ZNF277: variants seen among roughly 807,000 people sequenced by gnomAD.
ZNF277 encodes the protein nuclear receptor-interacting factor 4.
In ZNF277, 55 loss-of-function variants were observed where a neutral mutation model predicts 60.7. The observed-to-expected ratio is 0.91, with a 90% CI of 0.73 to 1.13. The LOEUF (loss-of-function observed/expected upper bound fraction) is 1.13. Ranked by LOEUF, ZNF277 falls within the 50% of genes most tolerant of loss-of-function variation. The pLI is 0.00. For missense variants in ZNF277, 510 were observed against 523.0 expected (o/e 0.98, Z 0.24); for synonymous variants, 178 against 179.3 (o/e 0.99, Z 0.06).
At chr7:112,305,028 A>G (rs1792557438) in intron 4 of ZNF277, among the ~76,000 whole-genome samples, 1 of 152,032 alleles carries the variant, frequency 6.6e-6, no homozygotes, top group African/African-American at 2.4e-5. Context: ...GTGTTCCTCA[A>G]ACACACCAAG....
chr7:112,242,664 G>A (rs758527316), intron 1 of ZNF277, among the ~76,000 whole-genome samples: 28 of 151,502 alleles, frequency 1.8e-4, no homozygotes, highest in Non-Finnish European at 3.2e-4. Context: ...GAAAGAAATT[G>A]TAGATGACAC....
intron 1 of ZNF277, among the ~76,000 whole-genome samples, chr7:112,227,732 T>G (rs895015631): frequency 2.6e-5 from 4 of 152,164 alleles, no homozygotes; most frequent in Admixed American, 6.5e-5. Context: ...AAAGTCATAT[T>G]CATACTTCAA....
chr7:112,294,604 T>C (rs1324057253), intron 2 of ZNF277, among the ~76,000 whole-genome samples: 1 of 152,200 alleles, frequency 6.6e-6, no homozygotes, highest in Non-Finnish European at 1.5e-5. Context: ...AACATGGGAT[T>C]CTATTTTTAT....
At chr7:112,290,825 A>G (rs1433180131) in intron 2 of ZNF277, among the ~76,000 whole-genome samples, 2 of 152,216 alleles carry the variant, frequency 1.3e-5, no homozygotes, top group Non-Finnish European at 2.9e-5. Context: ...TCTTTTCAAC[A>G]TCATGTAACT....
chr7:112,286,400 C>T (rs1198257522), intron 1 of ZNF277, among the ~76,000 whole-genome samples: 3 of 152,188 alleles, frequency 2.0e-5, no homozygotes, highest in African/African-American at 7.2e-5. Flanking sequence ...AAAGAGTTTG[C>T]AGATGCGACA....
intron 2 of ZNF277, among the ~76,000 whole-genome samples, chr7:112,294,415 T>A (rs545723006): frequency 8.5e-5 from 13 of 152,162 alleles, no homozygotes; most frequent in Non-Finnish European, 1.3e-4. Flanking sequence ...AGCCAGTGAG[T>A]TAGCCAAGGA....
chr7:112,234,551 A>G (rs1299827272), intron 1 of ZNF277, among the ~76,000 whole-genome samples: 1 of 152,268 alleles, frequency 6.6e-6, no homozygotes, highest in Non-Finnish European at 1.5e-5. Flanking sequence ...GTTTCTACAT[A>G]TGAATTTTAA....
chr7:112,316,240 T>C (rs1291283981), intron 4 of ZNF277, among the ~76,000 whole-genome samples: 1 of 152,110 alleles, frequency 6.6e-6, no homozygotes. Flanking sequence ...AGAAATAGAA[T>C]ATATTAATGG....
chr7:112,317,431 G>A (rs1021749032), intron 4 of ZNF277, among the ~76,000 whole-genome samples: 1 of 152,080 alleles, frequency 6.6e-6, no homozygotes, highest in Non-Finnish European at 1.5e-5. Context: ...TTGTACTGTG[G>A]CCAGAAATGG....
chr7:112,226,331 G>C (rs1330416967), intron 1 of ZNF277, among the ~76,000 whole-genome samples: 1 of 152,158 alleles, frequency 6.6e-6, no homozygotes, highest in African/African-American at 2.4e-5. Flanking sequence ...GCCTCAGGGA[G>C]ATGTAGCATC....
chr7:112,257,819 T>C (rs1338740069), intron 1 of ZNF277, among the ~76,000 whole-genome samples: 1 of 152,088 alleles, frequency 6.6e-6, no homozygotes, highest in African/African-American at 2.4e-5. Flanking sequence ...TTTTACTTTA[T>C]TTAATTTTTT....
intron 1 of ZNF277, among the ~76,000 whole-genome samples, chr7:112,212,887 T>C (rs4132325): frequency 0.79 from 120,469 of 152,088 alleles, 47,861 homozygotes; most frequent in Middle Eastern, 0.84. Context: ...CACACACACA[T>C]TGACACTCAA....
intron 1 of ZNF277, among the ~76,000 whole-genome samples, chr7:112,270,771 CAT>C (rs1157146547): frequency 1.3e-5 from 2 of 152,078 alleles, no homozygotes; most frequent in African/African-American, 2.4e-5. Flanking sequence ...TCTTACTCTA[CAT>C]AGTGTCTATC....
At chr7:112,208,220 C>A (rs1226600428) in intron 1 of ZNF277, among the ~76,000 whole-genome samples, 2 of 151,674 alleles carry the variant, frequency 1.3e-5, no homozygotes, top group East Asian at 3.9e-4. Context: ...ACTAAAAATA[C>A]AAAAATTAGC....
chr7:112,243,968 A>G (rs879478611), intron 1 of ZNF277, among the ~76,000 whole-genome samples: 8 of 152,298 alleles, frequency 5.3e-5, no homozygotes, highest in African/African-American at 1.7e-4. Context: ...CTACTCAGCC[A>G]TAAAAAAGAA....
At chr7:112,210,884 C>T (rs375611944) in intron 1 of ZNF277, among the ~76,000 whole-genome samples, 53 of 152,296 alleles carry the variant, frequency 3.5e-4, no homozygotes, top group African/African-American at 1.1e-3. Context: ...GCATCCCTCA[C>T]GTGGTGTCAT....
chr7:112,308,447 G>A (rs1387986851), intron 4 of ZNF277, among the ~76,000 whole-genome samples: 1 of 152,036 alleles, frequency 6.6e-6, no homozygotes. Flanking sequence ...AGCCCAGGAG[G>A]TGGAGGTTGC....
At chr7:112,334,402 C>CT (rs534868007) in intron 7 of ZNF277, among the ~76,000 whole-genome samples, 11,432 of 121,004 alleles carry the variant, frequency 0.094, 562 homozygotes, top group South Asian at 0.17. Flanking sequence ...GAGTTATGTG[C>CT]TTTTTTTTTT....
intron 5 of ZNF277, among the ~76,000 whole-genome samples, chr7:112,326,448 C>T (rs1172491299): frequency 6.6e-6 from 1 of 152,132 alleles, no homozygotes; most frequent in African/African-American, 2.4e-5. Flanking sequence ...AACTCTTCCA[C>T]AGCCTGAGCC....
Sources: allele counts gnomAD v4.1 joint callset (sites outside exome capture counted in the v4.1 genomes callset), GRCh38; gene constraint gnomAD v4.1.1; transcripts MANE v1.5; gene names NCBI Gene and HGNC (gene_info 2026-07-23, HGNC 2026-07-21).